Variants in CHRNA5 observed in about 807,000 individuals in gnomAD.
The protein encoded by CHRNA5 is neuronal acetylcholine receptor subunit alpha-5.
A neutral mutation model predicts 41.2 loss-of-function variants in CHRNA5; 28 were observed. That is an observed-to-expected ratio of 0.68 (90% CI 0.50 to 0.93). The LOEUF (loss-of-function observed/expected upper bound fraction) is 0.93, where lower values mean the gene tolerates loss of function less well. CHRNA5 is among the 40% of genes least tolerant of loss of function. CHRNA5 has a pLI of 0.00. For synonymous variants in CHRNA5, 188 were observed against 205.8 expected, an observed-to-expected ratio of 0.91 and a Z score of 0.74; for missense variants, 481 against 581.9, an observed-to-expected ratio of 0.83 and a Z score of 1.78.
At chr15:78,572,366 G>GT (rs370225874) in intron 1 of CHRNA5, among the ~76,000 whole-genome samples, 1 of 152,322 alleles carries the variant, frequency 6.6e-6, no homozygotes, top group African/African-American at 2.4e-5. Flanking sequence ...CCAATCAGTG[G>GT]TGAAAACTTA....
At chr15:78,567,388 C>T (rs755377431) in intron 1 of CHRNA5, among the ~76,000 whole-genome samples, 1 of 152,116 alleles carries the variant, frequency 6.6e-6, no homozygotes, top group South Asian at 2.1e-4. Flanking sequence ...TAGTTCTCTA[C>T]CCCTTTTGAT....
At chr15:78,583,210 T>C (rs2052929057) in intron 2 of CHRNA5, among the ~76,000 whole-genome samples, 1 of 152,114 alleles carries the variant, frequency 6.6e-6, no homozygotes, top group South Asian at 2.1e-4. Flanking sequence ...ACAGACACGA[T>C]CAAAGCAGTA....
intron 1 of CHRNA5, among the ~76,000 whole-genome samples, chr15:78,578,640 C>G (rs2052881303): frequency 6.6e-6 from 1 of 152,116 alleles, no homozygotes; most frequent in African/African-American, 2.4e-5. Context: ...AGCTAGAGTA[C>G]CTGGATATTC....
At chr15:78,592,963 C>A in intron 5 of CHRNA5, 129 bp from the exon 6 acceptor site, 1 of 1,084,086 alleles carries the variant, frequency 9.2e-7, no homozygotes, top group Admixed American at 2.6e-5. Flanking sequence ...AGTATAGGGT[C>A]ACTTACCGTT....
At chr15:78,577,352 G>A (rs113952108) in intron 1 of CHRNA5, among the ~76,000 whole-genome samples, 60 of 152,232 alleles carry the variant, frequency 3.9e-4, no homozygotes, top group Non-Finnish European at 7.1e-4. Context: ...AGCTAAAAAA[G>A]CATGACTGCT....
At chr15:78,592,094 C>T (rs2053021366) in intron 5 of CHRNA5, among the ~76,000 whole-genome samples, 1 of 152,116 alleles carries the variant, frequency 6.6e-6, no homozygotes, top group Non-Finnish European at 1.5e-5. Flanking sequence ...GAGGCTGAGG[C>T]AGGTGGATCA....
exon 5 of CHRNA5, chr15:78,590,322 C>T (rs944978839): frequency 1.9e-6 from 3 of 1,614,080 alleles, no homozygotes; most frequent in Non-Finnish European, 2.5e-6. Flanking sequence ...AAAAGTCATA[C>T]CTCTAATTGG....
At chr15:78,570,722 C>T (rs1445413422) in intron 1 of CHRNA5, among the ~76,000 whole-genome samples, 1 of 151,960 alleles carries the variant, frequency 6.6e-6, no homozygotes, top group Non-Finnish European at 1.5e-5. Context: ...TTATTTTTAT[C>T]TGGTTTTATT....
At position 78,583,521 on chromosome 15, in the gene CHRNA5, G is replaced by A. The variant is rs545742783; in HGVS notation, c.258+2559G>A. ...ATCCTGGCTAACACGGTGAAACCCC[G>A]TCTCTACTAAAAAATACAAAAAAAT... On this transcript the variant is annotated intron_variant, in intron 2 of 5. Coordinates refer to ENST00000299565, the Ensembl canonical transcript of CHRNA5. Among the ~76,000 whole-genome samples the A allele has an allele frequency of 3.3e-5, 5 of 152,016 alleles. No homozygotes were observed. In the South Asian group the frequency reaches 8.3e-4, roughly 25 times the overall value.
At chr15:78,576,855 T>C (rs1356163961) in intron 1 of CHRNA5, among the ~76,000 whole-genome samples, 1 of 151,742 alleles carries the variant, frequency 6.6e-6, no homozygotes, top group African/African-American at 2.4e-5. Flanking sequence ...TGTAGTGCTA[T>C]AGAGATGCCA....
At chr15:78,572,675 G>A (rs1466315031) in intron 1 of CHRNA5, among the ~76,000 whole-genome samples, 2 of 152,020 alleles carry the variant, frequency 1.3e-5, no homozygotes, top group Admixed American at 6.6e-5. Context: ...TAGAGACGGA[G>A]TTTCTCCATG....
At chr15:78,578,491 A>G (rs1596059317) in intron 1 of CHRNA5, among the ~76,000 whole-genome samples, 1 of 152,230 alleles carries the variant, frequency 6.6e-6, no homozygotes, top group African/African-American at 2.4e-5. Flanking sequence ...TGGGTGACAG[A>G]GTGAGACTCC....
chr15:78,590,777 T>C lies in CHRNA5; in HGVS notation c.1245+141T>C, dbSNP rs1204208806. On this transcript the variant is annotated intron_variant, in intron 5 of 5. Transcript: ENST00000299565. ...GAGGGCCAGAATTGTTGACATATTT[T>C]CTATAAAAGATCTTTACTAAGGCTT... The C allele has an allele frequency of 6.5e-5, 45 of 692,262 alleles. No homozygotes were observed. In the Admixed American group the frequency reaches 1.4e-3, roughly 22 times the overall value. 42.9% of individuals were successfully genotyped at this position (692,262 alleles called of 1,614,324 possible).
intron 1 of CHRNA5, among the ~76,000 whole-genome samples, chr15:78,566,556 C>T (rs968070110): frequency 6.6e-6 from 1 of 152,186 alleles, no homozygotes. Context: ...GTTTGTGGAG[C>T]AGCTATGGTG....
chr15:78,570,459 AG>A (rs2052793726), intron 1 of CHRNA5, among the ~76,000 whole-genome samples: 1 of 80,446 alleles, frequency 1.2e-5, no homozygotes, highest in African/African-American at 5.2e-5. Flanking sequence ...TAGTAAAGAC[AG>A]GGTTTCACCA....
intron 1 of CHRNA5, among the ~76,000 whole-genome samples, chr15:78,571,625 G>T: frequency 7.3e-6 from 1 of 136,158 alleles, no homozygotes. Flanking sequence ...TCGTCTCCTC[G>T]AGAACTATTG....
At chr15:78,576,773 T>A (rs2052861096) in intron 1 of CHRNA5, among the ~76,000 whole-genome samples, 1 of 142,660 alleles carries the variant, frequency 7.0e-6, no homozygotes, top group Admixed American at 7.3e-5. Context: ...CACTCCAGTC[T>A]GGGTGACAGG....
At chr15:78,580,274 C>T (rs148518415) in intron 1 of CHRNA5, among the ~76,000 whole-genome samples, 231 of 81,668 alleles carry the variant, frequency 2.8e-3, no homozygotes, top group African/African-American at 0.011. Context: ...GGCAGGACTC[C>T]GTCTCAAAAA....
At chr15:78,592,357 A>G (rs186862871) in intron 5 of CHRNA5, among the ~76,000 whole-genome samples, 24 of 152,310 alleles carry the variant, frequency 1.6e-4, no homozygotes, top group African/African-American at 2.9e-4. Context: ...AGGGTTTACA[A>G]TGCCCTAAAT....
Sources: allele counts gnomAD v4.1 joint callset (sites outside exome capture counted in the v4.1 genomes callset), GRCh38; gene constraint gnomAD v4.1.1; transcripts MANE v1.5; gene names NCBI Gene and HGNC (gene_info 2026-07-23, HGNC 2026-07-21).